SOD2: variants seen among roughly 807,000 people sequenced by gnomAD.
SOD2 encodes the protein superoxide dismutase [Mn], mitochondrial.
Under a neutral mutation model 27.0 loss-of-function variants are expected in SOD2, and 11 were observed. The ratio of observed to expected loss-of-function variants is 0.41; its 90% CI spans 0.26 to 0.67. The LOEUF (loss-of-function observed/expected upper bound fraction) is 0.67, where lower values mean the gene tolerates loss of function less well. SOD2 is among the 30% of genes least tolerant of loss of function. SOD2 has a pLI of 0.34. For synonymous variants in SOD2, 105 were observed against 103.0 expected, an observed-to-expected ratio of 1.02 and a Z score of -0.12; for missense variants, 250 against 274.5, an observed-to-expected ratio of 0.91 and a Z score of 0.63.
chr6:159,744,205 C>A (rs1479751725), intron 1 of SOD2, among the ~76,000 whole-genome samples: 2 of 151,578 alleles, frequency 1.3e-5, no homozygotes, highest in African/African-American at 4.9e-5. Context: ...CTAGTGTCAG[C>A]AACCTCTTTA....
At chr6:159,730,602 G>A (rs1039074350), upstream of SOD2, among the ~76,000 whole-genome samples, 9 of 152,170 alleles carry the variant, frequency 5.9e-5, no homozygotes, top group South Asian at 2.1e-4. Flanking sequence ...GCCAGATGGC[G>A]CATTTAACTT....
rs35849760 is a variant in SOD2, at chr6:159,681,873, CT to C, written c.*619del. 4 of 152,204 alleles carry C rather than the reference CT, an allele frequency of 2.6e-5. No individual in the cohort carries two copies. In the East Asian group the frequency reaches 5.8e-4, roughly 22 times the overall value. 9.4% of individuals were successfully genotyped at this position (152,204 alleles called of 1,614,324 possible). ...TCCTTTCTCCTACTGCAAAAACCAC[CT>C]TTTTGCAGTTTTGCTGTTGAAGTTT... On this transcript the variant is annotated 3_prime_UTR_variant, in exon 5 of 5. Transcript: ENST00000538183.
chr6:159,709,008 A>T (rs568273260), intron 1 of SOD2, among the ~76,000 whole-genome samples: 26 of 152,328 alleles, frequency 1.7e-4, no homozygotes, highest in African/African-American at 6.0e-4. Flanking sequence ...AAAAACAAGC[A>T]ATGGGGAAAG....
chr6:159,724,573 A>G (rs1778103608), intron 1 of SOD2, among the ~76,000 whole-genome samples: 1 of 152,092 alleles, frequency 6.6e-6, no homozygotes, highest in South Asian at 2.1e-4. Context: ...TGAAAAATAC[A>G]GTGGGGCGAG....
intron 4 of SOD2, 48 bp downstream of exon 4, chr6:159,684,806 T>C (rs1562418529): frequency 1.4e-6 from 2 of 1,459,444 alleles, no homozygotes; most frequent in East Asian, 2.3e-5. Flanking sequence ...TTGAATGCTT[T>C]ACAGTAGAGC....
intron 1 of SOD2, chr6:159,736,632 C>CA (rs1778934522): frequency 5.4e-6 from 1 of 186,804 alleles, no homozygotes; most frequent in South Asian, 1.7e-4. Context: ...CAAATAATGT[C>CA]AAAAATGGAC....
chr6:159,754,925 T>C, intron 1 of SOD2: 1 of 1,202,534 alleles, frequency 8.3e-7, no homozygotes, highest in Non-Finnish European at 1.1e-6. Context: ...TGTATTTGTT[T>C]ACTTGAGCGT....
chr6:159,725,333 C>A lies in SOD2; in HGVS notation c.-116+1796G>T, dbSNP rs1470295048. ...CCATCTCTATTAAAAATACAAAAAT[C>A]AGCAGGGGATGGTGGCGCATGCCTG... On this transcript the variant is annotated intron_variant, in intron 1 of 2. Transcript: ENST00000401980. 7.2e-5 allele frequency among the ~76,000 whole-genome samples: 11 copies of A among 152,030 alleles called. No individual in the cohort carries two copies. In the East Asian group the frequency reaches 2.1e-3, roughly 30 times the overall value.
chr6:159,682,977 G>A (rs1780025176), intron 4 of SOD2, among the ~76,000 whole-genome samples: 1 of 152,180 alleles, frequency 6.6e-6, no homozygotes, highest in Non-Finnish European at 1.5e-5. Context: ...GGAGCAGCAG[G>A]AAGGGTGGGT....
intron 1 of SOD2, among the ~76,000 whole-genome samples, chr6:159,751,316 G>A (rs936047647): frequency 6.6e-6 from 1 of 152,186 alleles, no homozygotes; most frequent in Non-Finnish European, 1.5e-5. Flanking sequence ...ATGGGGTTAA[G>A]TCAGGTCACA....
At chr6:159,727,501 G>A (rs905553549), upstream of SOD2, 1 of 993,232 alleles carries the variant, frequency 1.0e-6, no homozygotes, top group Admixed American at 6.2e-5. Context: ...GCGGGGCCTG[G>A]TTTCCTCCCT....
intron 1 of SOD2, among the ~76,000 whole-genome samples, chr6:159,724,007 C>G (rs1562443811): frequency 6.6e-6 from 1 of 152,186 alleles, no homozygotes; most frequent in Non-Finnish European, 1.5e-5. Context: ...CTTTGGCTTC[C>G]CAAAGCACTG....
intron 2 of SOD2, among the ~76,000 whole-genome samples, chr6:159,688,698 C>A (rs1436485000): frequency 6.6e-6 from 1 of 152,094 alleles, no homozygotes; most frequent in Admixed American, 6.6e-5. Flanking sequence ...ATGTTCTACC[C>A]CAAACTTACT....
intron 1 of SOD2, among the ~76,000 whole-genome samples, chr6:159,734,978 A>C (rs1006963106): frequency 6.6e-6 from 1 of 152,238 alleles, no homozygotes; most frequent in Non-Finnish European, 1.5e-5. Flanking sequence ...AAAAAACAGC[A>C]TAATAAAGTG....
chr6:159,724,688 G>A (rs1473770600), intron 1 of SOD2, among the ~76,000 whole-genome samples: 2 of 151,648 alleles, frequency 1.3e-5, no homozygotes, highest in African/African-American at 4.8e-5. Flanking sequence ...GCTCTCTACT[G>A]AAAATAGAAA....
chr6:159,682,333 T>C lies in SOD2; in HGVS notation c.*160A>G. 3.9e-6 allele frequency: 2 copies of C among 511,740 alleles called. No homozygotes were observed. The highest frequency in any genetic ancestry group is 6.4e-6 in the Non-Finnish European group (2 of 311,514). The allele number at this position is 511,740 out of a possible 1,614,324, so 31.7% of individuals were successfully genotyped here. Reference sequence around the variant, plus strand: ...ATCACTTGCCCAATAACAAAATGTTTAGTAAGAAATTATTCAGAACATTAA... The same window carrying C: ...ATCACTTGCCCAATAACAAAATGTTCAGTAAGAAATTATTCAGAACATTAA... On this transcript the variant is annotated 3_prime_UTR_variant, in exon 5 of 5. Coordinates refer to ENST00000538183, the MANE Select transcript of SOD2 (RefSeq NM_000636.4).
intron 1 of SOD2, among the ~76,000 whole-genome samples, chr6:159,701,092 A>G (rs868151883): frequency 1.3e-5 from 2 of 152,168 alleles, no homozygotes; most frequent in African/African-American, 2.4e-5. Context: ...CACCACTGTG[A>G]GCAATATAAA....
upstream of SOD2, among the ~76,000 whole-genome samples, chr6:159,695,105 A>G (rs1256689175): frequency 6.6e-6 from 1 of 152,126 alleles, no homozygotes; most frequent in Non-Finnish European, 1.5e-5. Flanking sequence ...ACTGCAGGTC[A>G]CTTTTAGGGC....
intron 1 of SOD2, chr6:159,727,069 T>G (rs947797025): frequency 4.9e-6 from 6 of 1,213,316 alleles, no homozygotes; most frequent in Non-Finnish European, 6.3e-6. Context: ...CTTCCCGTGA[T>G]GCCCTGGGGC....
Sources: allele counts gnomAD v4.1 joint callset (sites outside exome capture counted in the v4.1 genomes callset), GRCh38; gene constraint gnomAD v4.1.1; transcripts MANE v1.5; gene names NCBI Gene and HGNC (gene_info 2026-07-23, HGNC 2026-07-21).